The following RELN variants were observed in gnomAD, a reference collection of about 807,000 sequenced individuals.
RELN encodes reelin.
Under a neutral mutation model 427.6 loss-of-function variants are expected in RELN, and 108 were observed. The ratio of observed to expected loss-of-function variants is 0.25; its 90% CI spans 0.22 to 0.30. RELN has a LOEUF of 0.30. Ranked by LOEUF, RELN falls within the 10% of genes least tolerant of loss-of-function variation. The pLI is 1.00. For synonymous variants in RELN, 1,524 were observed against 1,513.4 expected (o/e 1.01, Z -0.16); for missense variants, 3,715 against 4,302.8 (o/e 0.86, Z 3.82).
At chr7:103,635,045 G>C (rs1832547984) in intron 19 of RELN, among the ~76,000 whole-genome samples, 1 of 151,858 alleles carries the variant, frequency 6.6e-6, no homozygotes, top group Non-Finnish European at 1.5e-5. Flanking sequence ...ATTTTTAGTA[G>C]AGACAGGGTT....
chr7:103,635,653 T>C (rs1468023324), intron 18 of RELN, 67 bp from the exon 19 acceptor site: 12 of 1,381,160 alleles, frequency 8.7e-6, no homozygotes, highest in Non-Finnish European at 1.2e-5. Context: ...CATTTTGGTC[T>C]TTAAAGAATT....
Position 103,989,029 on chromosome 7 carries a change from G to A in RELN, c.226+102C>T, listed in dbSNP as rs1401531637. 3.8e-6 allele frequency: 4 copies of A among 1,060,792 alleles called. No homozygotes were observed. The highest frequency in any genetic ancestry group is 4.8e-5 in the East Asian group (2 of 41,858). The allele number at this position is 1,060,792 out of a possible 1,614,324, so 65.7% of individuals were successfully genotyped here. On this transcript the variant is annotated intron_variant, in intron 1 of 64. Transcript: ENST00000428762. This position sits in a 1 kb window ranked among gnomAD's most constrained non-coding sequence, Gnocchi z 4.9. ...GCATCGCTGGGGCCAGGGTTGTCAT[G>A]GTTCTTGTTTCCAAGGCCCCTTGGA... is the stretch of plus-strand genomic sequence containing the variant.
chr7:103,817,074 A>G (rs1206107247), intron 3 of RELN, among the ~76,000 whole-genome samples: 1 of 151,482 alleles, frequency 6.6e-6, no homozygotes, highest in Non-Finnish European at 1.5e-5. Context: ...CTGGTCTTGA[A>G]CTCCTGACCT....
intron 46 of RELN, among the ~76,000 whole-genome samples, chr7:103,532,786 G>A (rs1281904407): frequency 6.6e-6 from 1 of 152,040 alleles, no homozygotes; most frequent in Non-Finnish European, 1.5e-5. Context: ...TTTCAAGAAA[G>A]CATTCCTTGG....
intron 6 of RELN, among the ~76,000 whole-genome samples, chr7:103,731,051 G>A (rs200967268): frequency 1.3e-5 from 2 of 152,102 alleles, no homozygotes; most frequent in East Asian, 1.9e-4. Flanking sequence ...TAAACAAACA[G>A]TTACAATAGA....
chr7:103,952,068 A>G (rs1468390286), intron 1 of RELN, among the ~76,000 whole-genome samples: 1 of 152,252 alleles, frequency 6.6e-6, no homozygotes, highest in African/African-American at 2.4e-5. Flanking sequence ...TGGGTACTCA[A>G]ACATCTTTTC....
Position 103,948,297 on chromosome 7 carries a change from ATACT to A in RELN, c.227-31116_227-31113del, listed in dbSNP as rs1488485346. Among the ~76,000 whole-genome samples the A allele has an allele frequency of 4.6e-5, 7 of 152,298 alleles. No individual in the cohort carries two copies. The East Asian group carries it at 1.3e-3, about 29-fold the overall frequency. On this transcript the variant is annotated intron_variant, in intron 1 of 64. Transcript: ENST00000428762. ...AACACACACATGCACACACACACAT[ATACT>A]TACTTCATTATATAATCAGTATACT... is the stretch of plus-strand genomic sequence containing the variant.
At chr7:103,589,857 A>C (rs1205449829) in intron 27 of RELN, 29 bp from the exon 28 acceptor site, 2 of 1,470,630 alleles carry the variant, frequency 1.4e-6, no homozygotes, top group Admixed American at 1.7e-5. Context: ...AGAATTATAC[A>C]AGATTTTGGT....
chr7:103,483,886 T>G lies in RELN; in HGVS notation c.9984-36A>C, dbSNP rs747616901. On this transcript the variant is annotated intron_variant, in intron 61 of 64. Transcript: ENST00000428762. ...CAGGGAAATCATCTTTATTTTTATTTATTTATTTTTTGAGATGGAGTCTTG... is the reference window on the plus strand; with the variant it reads ...CAGGGAAATCATCTTTATTTTTATTGATTTATTTTTTGAGATGGAGTCTTG... 25 of 1,590,800 alleles carry G rather than the reference T, an allele frequency of 1.6e-5. No homozygotes were observed. The Admixed American group carries it at 4.1e-4, about 26-fold the overall frequency.
intron 8 of RELN, among the ~76,000 whole-genome samples, chr7:103,705,949 T>C (rs1184251346): frequency 6.6e-6 from 1 of 152,230 alleles, no homozygotes; most frequent in African/African-American, 2.4e-5. Flanking sequence ...TAAAATTTCA[T>C]TTCATAAATT....
At chr7:103,892,624 G>A (rs1794875185) in intron 2 of RELN, among the ~76,000 whole-genome samples, 1 of 152,098 alleles carries the variant, frequency 6.6e-6, no homozygotes, top group Non-Finnish European at 1.5e-5. Context: ...TTTATATAGA[G>A]CTAACACATT....
Position 103,635,602 on chromosome 7 carries a change from C to T in RELN, c.2304-16G>A, listed in dbSNP as rs1832562771. The T allele has an allele frequency of 5.6e-6, 9 of 1,609,054 alleles. No homozygotes were observed. Among genetic ancestry groups the T allele is most frequent in the Non-Finnish European group, 7.7e-6 (9 of 1,175,872 alleles). On this transcript the variant is annotated splice_polypyrimidine_tract_variant and intron_variant, in intron 18 of 64. Coordinates refer to ENST00000428762, the MANE Select transcript of RELN (RefSeq NM_005045.4). ...CTGGAGAAACCTAGACAGAAATTGTCTATAATTAGTGTATGCATAAACATT... is the reference window on the plus strand; with the variant it reads ...CTGGAGAAACCTAGACAGAAATTGTTTATAATTAGTGTATGCATAAACATT...
intron 7 of RELN, 50 bp downstream of exon 7, chr7:103,728,061 G>C: frequency 6.3e-7 from 1 of 1,579,606 alleles, no homozygotes; most frequent in Non-Finnish European, 8.7e-7. Context: ...TTGGCAAAAA[G>C]CTCAGTAAAT....
chr7:103,848,754 T>C (rs1793743020), intron 2 of RELN, among the ~76,000 whole-genome samples: 2 of 152,188 alleles, frequency 1.3e-5, no homozygotes, highest in Non-Finnish European at 2.9e-5. Context: ...CAATCATGGA[T>C]GGTACATGCC....
intron 24 of RELN, among the ~76,000 whole-genome samples, chr7:103,600,741 G>A (rs1475092373): frequency 6.6e-6 from 1 of 152,154 alleles, no homozygotes; most frequent in Non-Finnish European, 1.5e-5. Flanking sequence ...AAATTTAGGG[G>A]GAAAGCTGAA....
intron 50 of RELN, among the ~76,000 whole-genome samples, chr7:103,512,365 C>T (rs1829447081): frequency 6.6e-6 from 1 of 152,006 alleles, no homozygotes; most frequent in Admixed American, 6.6e-5. Context: ...TAAGATAATA[C>T]TGTTATAAAT....
At position 103,640,450 on chromosome 7, in the gene RELN, G is replaced by A. The variant is rs549604497; in HGVS notation, c.2069+93C>T. Reference sequence around the variant, plus strand: ...AACTTTTTGTCTTAAAAAGATCCCCGATCCTAAAAAAGGTTATTAAATGAC... The same window carrying A: ...AACTTTTTGTCTTAAAAAGATCCCCAATCCTAAAAAAGGTTATTAAATGAC... On this transcript the variant is annotated intron_variant, in intron 17 of 64. Coordinates refer to ENST00000428762, the MANE Select transcript of RELN (RefSeq NM_005045.4). This position sits in a 1 kb window ranked among gnomAD's most constrained non-coding sequence, Gnocchi z 4.1. 2.1e-5 allele frequency: 27 copies of A among 1,269,718 alleles called. 1 individual carries two copies. The Admixed American group carries it at 3.8e-4, about 18-fold the overall frequency. 78.7% of individuals were successfully genotyped at this position (1,269,718 alleles called of 1,614,324 possible). A position where few individuals can be genotyped will look rare whatever the true frequency, so the allele number is the denominator to read the frequency against.
chr7:103,742,339 A>G (rs562728003), intron 6 of RELN, among the ~76,000 whole-genome samples: 1 of 152,314 alleles, frequency 6.6e-6, no homozygotes, highest in African/African-American at 2.4e-5. Context: ...AAAAACCGGA[A>G]ACTCTAAAAA....
At chr7:103,892,183 G>C (rs1794864777) in intron 2 of RELN, among the ~76,000 whole-genome samples, 1 of 152,146 alleles carries the variant, frequency 6.6e-6, no homozygotes, top group South Asian at 2.1e-4. Context: ...TCTTTAATCA[G>C]TTGGAAATTG....
Sources: gnomAD v4.1 joint callset for allele counts (sites outside exome capture counted in the v4.1 genomes callset) on GRCh38, gnomAD v4.1.1 for gene constraint, Gnocchi (gnomAD v3.1) non-coding constraint, MANE v1.5 for transcripts, NCBI Gene and HGNC (gene_info 2026-07-23, HGNC 2026-07-21) for gene names.